The following KCNG1 variants were observed in gnomAD, a reference collection of about 807,000 sequenced individuals.
The protein encoded by KCNG1 is potassium voltage-gated channel modifier subfamily G member 1, also known as voltage-gated potassium channel regulatory subunit KCNG1.
In KCNG1, 17 loss-of-function variants were observed where a neutral mutation model predicts 32.4. That is an observed-to-expected ratio of 0.52 (90% CI 0.36 to 0.79). The LOEUF is 0.79. Among genes scored for constraint, KCNG1 ranks in the 30% least tolerant of loss-of-function variants. KCNG1 has a pLI of 0.00. For synonymous variants in KCNG1, 358 were observed against 339.9 expected (o/e 1.05, Z -0.59); for missense variants, 441 against 735.2 (o/e 0.60, Z 4.63).
At position 51,005,050 on chromosome 20, in the gene KCNG1, A is replaced by C; in HGVS notation, c.775-244T>G. On this transcript the variant is annotated intron_variant, in intron 2 of 2. Coordinates refer to ENST00000371571, the MANE Select transcript of KCNG1 (RefSeq NM_002237.4). This position sits in a 1 kb window ranked among gnomAD's most constrained non-coding sequence, Gnocchi z 4.0. The stretch of plus-strand genomic sequence containing the variant: ...CCTCAGCCCTGAACTCCAGACCCCC[A>C]ACAGGCTGCCTCCCTGACGCTCCCA... 1 of 399,730 alleles carries C rather than the reference A, an allele frequency of 2.5e-6. No homozygotes were observed. 24.8% of individuals were successfully genotyped at this position (399,730 alleles called of 1,614,324 possible). A position where few individuals can be genotyped will look rare whatever the true frequency, so the allele number is the denominator to read the frequency against.
At chr20:51,020,802 G>C (rs184574602) in intron 1 of KCNG1, among the ~76,000 whole-genome samples, 1 of 152,092 alleles carries the variant, frequency 6.6e-6, no homozygotes, top group Non-Finnish European at 1.5e-5. Flanking sequence ...GGTTTGCGTC[G>C]CTTAGCCCTG....
intron 1 of KCNG1, among the ~76,000 whole-genome samples, chr20:51,014,537 C>T (rs890606211): frequency 1.3e-5 from 2 of 152,040 alleles, no homozygotes; most frequent in South Asian, 2.1e-4. Flanking sequence ...AGGTGAAGTC[C>T]GGAGGCAGGT....
At chr20:51,014,485 G>A (rs1440408347) in intron 1 of KCNG1, among the ~76,000 whole-genome samples, 1 of 152,230 alleles carries the variant, frequency 6.6e-6, no homozygotes, top group Non-Finnish European at 1.5e-5. Flanking sequence ...GATGCTTGGG[G>A]AGAGGAAGCT....
At chr20:51,019,956 T>G (rs1301469162) in intron 1 of KCNG1, among the ~76,000 whole-genome samples, 4 of 152,228 alleles carry the variant, frequency 2.6e-5, no homozygotes, top group African/African-American at 9.6e-5. Context: ...TATATCTTTC[T>G]TAGCCACCTG....
chr20:51,009,778 G>A lies in KCNG1; in HGVS notation c.561C>T (p.Asp187=), dbSNP rs2123230780. Residue 187 remains aspartate, a synonymous_variant, in exon 2 of 3, where the codon GAC becomes GAT. Coordinates refer to ENST00000371571, the MANE Select transcript of KCNG1 (RefSeq NM_002237.4). ...TGTCGCGGCCCTCGCTGTCCAGCGC[G>A]TCGTCCTCTTCCTCCCGCTCCACCA... ...AEMVEREEED[D]ALDSEGRDSE... The A allele has an allele frequency of 1.2e-6, 2 of 1,611,312 alleles. No individual in the cohort carries two copies. The highest frequency in any genetic ancestry group is 1.7e-6 in the Non-Finnish European group (2 of 1,179,822).
chr20:51,019,795 C>T (rs1360794051), intron 1 of KCNG1, among the ~76,000 whole-genome samples: 1 of 152,170 alleles, frequency 6.6e-6, no homozygotes, highest in African/African-American at 2.4e-5. Flanking sequence ...CTTCATCTGT[C>T]AGGATTAGGG....
intron 2 of KCNG1, among the ~76,000 whole-genome samples, chr20:51,007,696 A>G (rs1194625011): frequency 6.6e-6 from 1 of 150,992 alleles, no homozygotes; most frequent in Non-Finnish European, 1.5e-5. Context: ...AATCGCTTCA[A>G]TCTGGGAAGT....
chr20:51,022,535 C>CG (rs1266628041), intron 1 of KCNG1: 1 of 152,238 alleles, frequency 6.6e-6, no homozygotes, highest in South Asian at 2.1e-4. Flanking sequence ...CTCCCAGGAT[C>CG]GGGGGAGAAA....
rs921717472 is a variant in KCNG1 at position 51,015,489 on chromosome 20, CAGCTTTG to C, written c.-26-5132_-26-5126del. The stretch of plus-strand genomic sequence containing the variant: ...TGCGGGGGGTGAGGGTGTCACCTGG[CAGCTTTG>C]ACCTGGCTAGGCTGGCAGGGGCCGG... On this transcript the variant is annotated intron_variant, in intron 1 of 2. Coordinates refer to ENST00000371571, the MANE Select transcript of KCNG1 (RefSeq NM_002237.4). This position sits in a 1 kb window ranked among gnomAD's most constrained non-coding sequence, Gnocchi z 4.4. Among the ~76,000 whole-genome samples, 1 of 152,124 alleles carries C rather than the reference CAGCTTTG, an allele frequency of 6.6e-6. No individual in the cohort carries two copies. The highest frequency in any genetic ancestry group is 2.4e-5 in the African/African-American group (1 of 41,426).
At position 51,004,309 on chromosome 20, in the gene KCNG1, C is replaced by T. The variant is rs1243814356; in HGVS notation, c.1272G>A (p.Thr424=). The T allele has an allele frequency of 6.2e-6, 10 of 1,613,416 alleles. No homozygotes were observed. Among genetic ancestry groups the T allele is most frequent in the Non-Finnish European group, 8.5e-6 (10 of 1,179,424 alleles). Residue 424 remains threonine, a synonymous_variant, in exon 3 of 3, where the codon ACG becomes ACA. Coordinates refer to ENST00000371571, the MANE Select transcript of KCNG1 (RefSeq NM_002237.4). This position sits in a 1 kb window ranked among gnomAD's most constrained non-coding sequence, Gnocchi z 4.3. The part of the protein sequence containing the change: ...CYWWAVITMT[T]VGYGDMVPRS... ...TGGGGACCATGTCGCCATAGCCCACCGTCGTCATGGTGATGACAGCCCACC... is the reference window on the plus strand; with the variant it reads ...TGGGGACCATGTCGCCATAGCCCACTGTCGTCATGGTGATGACAGCCCACC...
rs761049249 is a variant in KCNG1 at position 51,009,796 on chromosome 20, C to T, written c.543G>A (p.Glu181=). The T allele has an allele frequency of 3.1e-6, 5 of 1,612,416 alleles. No individual in the cohort carries two copies. The African/African-American group carries it at 5.3e-5, about 17-fold the overall frequency. ...QKIEEFAEMV[E]REEEDDALDS... ...CCAGCGCGTCGTCCTCTTCCTCCCG[C>T]TCCACCATCTCCGCGAACTCCTCAA... Residue 181 remains glutamate (E), a synonymous_variant, in exon 2 of 3, where the codon GAG becomes GAA. Coordinates refer to ENST00000371571, the MANE Select transcript of KCNG1 (RefSeq NM_002237.4).
Position 51,015,796 on chromosome 20 carries a change from A to G in KCNG1, c.-26-5432T>C, listed in dbSNP as rs1308795766. ...GATCTGAGATGGGAAATTATCTTGGATGATCTGGGTGGGCCCAGTGTAATC... is the reference window on the plus strand; with the variant it reads ...GATCTGAGATGGGAAATTATCTTGGGTGATCTGGGTGGGCCCAGTGTAATC... On this transcript the variant is annotated intron_variant, in intron 1 of 2. Coordinates refer to ENST00000371571, the MANE Select transcript of KCNG1 (RefSeq NM_002237.4). This position sits in a 1 kb window ranked among gnomAD's most constrained non-coding sequence, Gnocchi z 4.4. 6.6e-6 allele frequency among the ~76,000 whole-genome samples: 1 copy of G among 152,222 alleles called. No homozygotes were observed. Among genetic ancestry groups the G allele is most frequent in the Admixed American group, 6.5e-5 (1 of 15,284 alleles).
chr20:51,015,044 G>A lies in KCNG1; in HGVS notation c.-26-4680C>T, dbSNP rs1340256846. On this transcript the variant is annotated intron_variant, in intron 1 of 2. Coordinates refer to ENST00000371571, the MANE Select transcript of KCNG1 (RefSeq NM_002237.4). The surrounding 1 kb of genome is among the most constrained non-coding windows in gnomAD (Gnocchi z 4.4). The stretch of plus-strand genomic sequence containing the variant: ...CGAGGGGCTGACAATAAGGAGCTGG[G>A]GCTTATTCTGCAAGGGACAAGGAGT... Among the ~76,000 whole-genome samples, 1 of 152,188 alleles carries A rather than the reference G, an allele frequency of 6.6e-6. No homozygotes were observed. The highest frequency in any genetic ancestry group is 1.9e-4 in the East Asian group (1 of 5,180).
intron 1 of KCNG1, among the ~76,000 whole-genome samples, chr20:51,011,980 A>G (rs1481962796): frequency 2.0e-5 from 3 of 152,162 alleles, no homozygotes; most frequent in Non-Finnish European, 4.4e-5. Context: ...TTTTTAGTAG[A>G]CATGGTTTTG....
At position 51,003,953 on chromosome 20, in the gene KCNG1, G is replaced by A. The variant is rs1410731650; in HGVS notation, c.*86C>T. On this transcript the variant is annotated 3_prime_UTR_variant, in exon 3 of 3. Coordinates refer to ENST00000371571, the MANE Select transcript of KCNG1 (RefSeq NM_002237.4). The stretch of plus-strand genomic sequence containing the variant: ...TGCTGCGCCAGGACTGCACTCGGAA[G>A]CGGCCTGTCCCTCTCCAGGCGTCTG... 2.7e-6 allele frequency: 4 copies of A among 1,475,774 alleles called. No individual in the cohort carries two copies. The highest frequency in any genetic ancestry group is 3.7e-6 in the Non-Finnish European group (4 of 1,087,434). The allele number at this position is 1,475,774 out of a possible 1,614,324, so 91.4% of individuals were successfully genotyped here. A position where few individuals can be genotyped will look rare whatever the true frequency, so the allele number is the denominator to read the frequency against.
chr20:51,015,680 G>A lies in KCNG1; in HGVS notation c.-26-5316C>T, dbSNP rs898380604. On this transcript the variant is annotated intron_variant, in intron 1 of 2. Transcript: ENST00000371571. The surrounding 1 kb of genome is among the most constrained non-coding windows in gnomAD (Gnocchi z 4.4). Reference sequence around the variant, plus strand: ...TCCCCACATTCCCCTAGATGCCCACGTCCTAATCCTAATCCCTGGAAGCTG... The same window carrying A: ...TCCCCACATTCCCCTAGATGCCCACATCCTAATCCTAATCCCTGGAAGCTG... Among the ~76,000 whole-genome samples, 6 of 152,296 alleles carry A rather than the reference G, an allele frequency of 3.9e-5. No homozygotes were observed. Among genetic ancestry groups the A allele is most frequent in the South Asian group, 2.1e-4 (1 of 4,822 alleles).
At chr20:51,013,406 A>C (rs984614212) in intron 1 of KCNG1, among the ~76,000 whole-genome samples, 7 of 152,126 alleles carry the variant, frequency 4.6e-5, no homozygotes, top group African/African-American at 1.7e-4. Context: ...ACGGAAACCC[A>C]TTTCCAATAC....
chr20:51,018,143 G>A (rs1429250013), intron 1 of KCNG1, among the ~76,000 whole-genome samples: 3 of 152,206 alleles, frequency 2.0e-5, no homozygotes, highest in Non-Finnish European at 4.4e-5. Flanking sequence ...GGACCTGTGG[G>A]GTGGGATTTG....
chr20:51,013,397 C>T (rs919137928), intron 1 of KCNG1, among the ~76,000 whole-genome samples: 4 of 152,088 alleles, frequency 2.6e-5, no homozygotes, highest in African/African-American at 7.2e-5. Context: ...CAATTCCAAA[C>T]GGAAACCCAT....
Sources: allele counts gnomAD v4.1 joint callset (sites outside exome capture counted in the v4.1 genomes callset), GRCh38; gene constraint gnomAD v4.1.1; non-coding constraint Gnocchi (gnomAD v3.1); transcripts MANE v1.5; gene names NCBI Gene and HGNC (gene_info 2026-07-23, HGNC 2026-07-21).